Variants in COLGALT1 observed in about 807,000 individuals in gnomAD.
The protein encoded by COLGALT1 is procollagen galactosyltransferase 1.
COLGALT1 carries 43 observed loss-of-function variants against 60.8 expected under a neutral mutation model. The ratio of observed to expected loss-of-function variants is 0.71; its 90% CI spans 0.55 to 0.91. The LOEUF (loss-of-function observed/expected upper bound fraction) is 0.91, where lower values mean the gene tolerates loss of function less well. Ranked by LOEUF, COLGALT1 falls within the 40% of genes least tolerant of loss-of-function variation. The probability of loss-of-function intolerance (pLI) is 0.00; values close to 1 mark genes in which losing one functional copy is unlikely to be tolerated. For missense variants in COLGALT1, 845 were observed against 880.0 expected (o/e 0.96, Z 0.50); for synonymous variants, 369 against 374.2 (o/e 0.99, Z 0.16).
At chr19:17,563,941 T>A (rs2076264483) in intron 3 of COLGALT1, among the ~76,000 whole-genome samples, 1 of 151,774 alleles carries the variant, frequency 6.6e-6, no homozygotes, top group Non-Finnish European at 1.5e-5. Flanking sequence ...GTAAAAAAAA[T>A]AAATAAAAAT....
chr19:17,579,444 T>C (rs554683985), intron 9 of COLGALT1, 38 bp from the exon 10 acceptor site: 1 of 1,613,930 alleles, frequency 6.2e-7, no homozygotes, highest in African/African-American at 1.3e-5. Context: ...AGGCCTGGCC[T>C]TGGCCTCCCT....
Position 17,579,945 on chromosome 19 carries a change from A to G in COLGALT1, c.1394+336A>G, listed in dbSNP as rs1014687588. The G allele has an allele frequency of 2.3e-5, 7 of 304,164 alleles. No individual in the cohort carries two copies. In the Admixed American group the frequency reaches 2.4e-4, roughly 10 times the overall value. 18.8% of individuals were successfully genotyped at this position (304,164 alleles called of 1,614,324 possible). On this transcript the variant is annotated intron_variant, in intron 10 of 11. Coordinates refer to ENST00000252599, the MANE Select transcript of COLGALT1 (RefSeq NM_024656.4). Reference sequence around the variant, plus strand: ...GGTTCCTGGGCCTGAAGGCACTGTCAGGGCTGTAGCCTATAGGGAAGGGCG... The same window carrying G: ...GGTTCCTGGGCCTGAAGGCACTGTCGGGGCTGTAGCCTATAGGGAAGGGCG...
chr19:17,560,297 T>C (rs1188608381), intron 2 of COLGALT1, 51 bp from the exon 3 acceptor site: 8 of 1,509,830 alleles, frequency 5.3e-6, no homozygotes, highest in Non-Finnish European at 7.3e-6. Context: ...AGGCCCTCGC[T>C]GGGCTTTGAT....
At chr19:17,576,151 G>A (rs999412647) in intron 6 of COLGALT1, among the ~76,000 whole-genome samples, 1 of 152,204 alleles carries the variant, frequency 6.6e-6, no homozygotes, top group African/African-American at 2.4e-5. Context: ...GGCACTAGGG[G>A]CCCAGTGTGA....
chr19:17,565,869 G>A (rs1338223948), intron 3 of COLGALT1, among the ~76,000 whole-genome samples: 1 of 152,152 alleles, frequency 6.6e-6, no homozygotes, highest in Non-Finnish European at 1.5e-5. Flanking sequence ...CGGATGGGGT[G>A]TGTAACATGA....
rs752619186 is a variant in COLGALT1, at chr19:17,582,676, G to A, written c.*1232G>A. ...CTCCCAGTTGGGTTGAAGAATGGTT[G>A]ACTGAGTTTGATTCTTCCTGTACCC... On this transcript the variant is annotated 3_prime_UTR_variant, in exon 12 of 12. Coordinates refer to ENST00000252599, the MANE Select transcript of COLGALT1 (RefSeq NM_024656.4). 1 of 152,238 alleles carries A rather than the reference G, an allele frequency of 6.6e-6. No individual in the cohort carries two copies. Among genetic ancestry groups the A allele is most frequent in the Non-Finnish European group, 1.5e-5 (1 of 68,058 alleles). 9.4% of individuals were successfully genotyped at this position (152,238 alleles called of 1,614,324 possible). A position where few individuals can be genotyped will look rare whatever the true frequency, so the allele number is the denominator to read the frequency against.
chr19:17,580,373 C>A (rs771302100), intron 10 of COLGALT1: 2 of 435,162 alleles, frequency 4.6e-6, no homozygotes, highest in Non-Finnish European at 8.5e-6. Flanking sequence ...GACTGCCCCC[C>A]CATCAGGGCA....
chr19:17,558,355 G>A (rs1164987924), intron 1 of COLGALT1, among the ~76,000 whole-genome samples: 1 of 150,438 alleles, frequency 6.6e-6, no homozygotes, highest in African/African-American at 2.4e-5. Context: ...GATGACAGGC[G>A]TGAGCCACCG....
At chr19:17,576,311 G>T (rs1349964960) in intron 6 of COLGALT1, among the ~76,000 whole-genome samples, 1 of 152,152 alleles carries the variant, frequency 6.6e-6, no homozygotes, top group Non-Finnish European at 1.5e-5. Context: ...AGGGAGGTGG[G>T]AGTGGGGAGG....
chr19:17,579,677 TGGGGGC>T, intron 10 of COLGALT1, 68 bp downstream of exon 10: 2 of 126,058 alleles, frequency 1.6e-5, no homozygotes, highest in Non-Finnish European at 3.1e-5. Flanking sequence ...GAGGTGGGGG[TGGGGGC>T]AGGGTGGAGC....
chr19:17,556,310 C>G (rs1482028997), intron 1 of COLGALT1, among the ~76,000 whole-genome samples: 1 of 152,222 alleles, frequency 6.6e-6, no homozygotes, highest in Non-Finnish European at 1.5e-5. Flanking sequence ...GCAGCTCCGG[C>G]CTCACTAACT....
At chr19:17,580,575 C>A in intron 10 of COLGALT1, 124 bp from the exon 11 acceptor site, 1 of 878,914 alleles carries the variant, frequency 1.1e-6, no homozygotes, top group Non-Finnish European at 1.8e-6. Flanking sequence ...AGTCACAGAG[C>A]TCTGCAAACA....
chr19:17,579,387 A>G, intron 9 of COLGALT1, 95 bp from the exon 10 acceptor site: 1 of 1,548,628 alleles, frequency 6.5e-7, no homozygotes, highest in Non-Finnish European at 8.8e-7. Flanking sequence ...TGGCTTCTCT[A>G]CGGGTCTTTC....
chr19:17,576,995 G>T, intron 6 of COLGALT1, 200 bp from the exon 7 acceptor site: 1 of 599,746 alleles, frequency 1.7e-6, no homozygotes, highest in Non-Finnish European at 3.0e-6. Flanking sequence ...CTGGGGTGTG[G>T]CCAGGGCTTT....
intron 5 of COLGALT1, among the ~76,000 whole-genome samples, chr19:17,572,118 TG>T (rs1269545172): frequency 6.6e-6 from 1 of 151,556 alleles, no homozygotes; most frequent in Non-Finnish European, 1.5e-5. Context: ...GAGACCATCC[TG>T]GCTAACATGA....
At chr19:17,567,001 G>C (rs887062170) in intron 3 of COLGALT1, among the ~76,000 whole-genome samples, 1 of 152,106 alleles carries the variant, frequency 6.6e-6, no homozygotes, top group African/African-American at 2.4e-5. Flanking sequence ...TGTAGTCGCA[G>C]CTACTCGGGA....
Position 17,567,412 on chromosome 19 carries a change from G to C in COLGALT1, c.496G>C (p.Asp166His). ...DMWADYILFVDADNLILNPDT... is the reference protein window; with the variant it reads ...DMWADYILFVHADNLILNPDT... ...TTTGTGGGGTGTTCTGCAGTTTGTA[G>C]ATGCGGACAACCTGATCCTCAACCC... is the stretch of plus-strand genomic sequence containing the variant. The change falls in exon 4 of 12, where the codon GAT becomes CAT. Residue 166 changes from aspartate to histidine, a missense_variant. By Grantham distance (81) the Asp-to-His change is moderately conservative. Coordinates refer to ENST00000252599, the MANE Select transcript of COLGALT1 (RefSeq NM_024656.4). 1 of 1,613,712 alleles carries C rather than the reference G, an allele frequency of 6.2e-7. No individual in the cohort carries two copies. The highest frequency in any genetic ancestry group is 1.1e-5 in the South Asian group (1 of 91,080).
rs775570371 is a variant in COLGALT1 at position 17,578,004 on chromosome 19, C to T, written c.1181C>T (p.Pro394Leu). The change falls in exon 9 of 12, where the codon CCT becomes CTT. Residue 394 changes from proline (P) to leucine (L), a missense_variant. Transcript: ENST00000252599. Reference protein sequence around the residue: ...QVEALGIQMLPGYRDPYHGRP... With the variant: ...QVEALGIQMLLGYRDPYHGRP... ...GAGGCGCTGGGGATCCAGATGCTGCCTGGCTACCGGGACCCCTACCACGGC... is the reference window on the plus strand; with the variant it reads ...GAGGCGCTGGGGATCCAGATGCTGCTTGGCTACCGGGACCCCTACCACGGC... 6.2e-7 allele frequency: 1 copy of T among 1,612,274 alleles called. No individual in the cohort carries two copies. Among genetic ancestry groups the T allele is most frequent in the Non-Finnish European group, 8.5e-7 (1 of 1,179,504 alleles).
intron 9 of COLGALT1, among the ~76,000 whole-genome samples, chr19:17,578,878 G>A (rs1267031409): frequency 6.6e-6 from 1 of 152,166 alleles, no homozygotes; most frequent in Non-Finnish European, 1.5e-5. Flanking sequence ...GGGTGTGGTG[G>A]TGGGCACCTG....
Sources: gnomAD v4.1 joint callset for allele counts (sites outside exome capture counted in the v4.1 genomes callset) on GRCh38, gnomAD v4.1.1 for gene constraint, MANE v1.5 for transcripts, NCBI Gene and HGNC (gene_info 2026-07-23, HGNC 2026-07-21) for gene names.